Variants in MAGI2 observed in about 807,000 individuals in gnomAD.
The protein encoded by MAGI2 is membrane-associated guanylate kinase, WW and PDZ domain-containing protein 2.
In MAGI2, 35 loss-of-function variants were observed where a neutral mutation model predicts 133.3. The observed-to-expected ratio is 0.26, with a 90% CI of 0.20 to 0.35. The LOEUF (loss-of-function observed/expected upper bound fraction) is 0.35. Ranked by LOEUF, MAGI2 falls within the 10% of genes least tolerant of loss-of-function variation. MAGI2 has a pLI of 1.00. For synonymous variants in MAGI2, 729 were observed against 710.6 expected (o/e 1.03, Z -0.41); for missense variants, 1,636 against 1,863.4 (o/e 0.88, Z 2.25).
intron 3 of MAGI2, among the ~76,000 whole-genome samples, chr7:78,582,320 T>C (rs901972160): frequency 2.0e-5 from 3 of 152,104 alleles, no homozygotes; most frequent in African/African-American, 7.2e-5. Flanking sequence ...ACATCTGTGG[T>C]TGAAAAACAT....
rs369854137 is a variant in MAGI2, at chr7:78,052,376, C to T, written c.3706+26571G>A. Reference sequence around the variant, plus strand: ...CTCCTCTTTCTTGCTTCCTCTCTCACCACGTGACTGCTGCACAGTTTCTCT... The same window carrying T: ...CTCCTCTTTCTTGCTTCCTCTCTCATCACGTGACTGCTGCACAGTTTCTCT... On this transcript the variant is annotated intron_variant, in intron 21 of 21. Transcript: ENST00000354212. Among the ~76,000 whole-genome samples the T allele has an allele frequency of 1.2e-3, 187 of 152,302 alleles. 6 individuals carry two copies. The South Asian group carries it at 0.037, about 30-fold the overall frequency.
chr7:79,062,593 G>C (rs1178291330), intron 1 of MAGI2, among the ~76,000 whole-genome samples: 1 of 152,062 alleles, frequency 6.6e-6, no homozygotes, highest in Non-Finnish European at 1.5e-5. Context: ...TTTCTGCTCA[G>C]TTATTTGTAA....
At chr7:78,057,995 A>ATGTGTGTGTGTGTGTGTGTGTGTG (rs1232878816) in intron 21 of MAGI2, among the ~76,000 whole-genome samples, 4 of 30,380 alleles carry the variant, frequency 1.3e-4, no homozygotes, top group African/African-American at 1.8e-4. Context: ...ATATATATAT[A>ATGTGTGTGTGTGTGTGTGTGTGTG]TATATATATG....
chr7:78,454,172 G>A (rs941471410), intron 6 of MAGI2, among the ~76,000 whole-genome samples: 3 of 152,066 alleles, frequency 2.0e-5, no homozygotes, highest in South Asian at 4.1e-4. Flanking sequence ...TTACTCCATC[G>A]CATGAGTAGG....
chr7:79,003,570 T>C (rs1363018643), intron 2 of MAGI2, among the ~76,000 whole-genome samples: 1 of 152,184 alleles, frequency 6.6e-6, no homozygotes, highest in Non-Finnish European at 1.5e-5. Flanking sequence ...GAGAATTTCT[T>C]TGACCAAGGA....
intron 1 of MAGI2, among the ~76,000 whole-genome samples, chr7:79,040,668 T>A (rs1253545454): frequency 1.3e-5 from 2 of 152,230 alleles, no homozygotes; most frequent in South Asian, 2.1e-4. Flanking sequence ...CTCATGCTGT[T>A]CTCATGATAG....
At chr7:78,608,477 A>T (rs894799809) in intron 3 of MAGI2, among the ~76,000 whole-genome samples, 3 of 151,430 alleles carry the variant, frequency 2.0e-5, no homozygotes, top group Non-Finnish European at 4.4e-5. Flanking sequence ...GTATGTATAT[A>T]TATATATATA....
At chr7:79,347,145 A>G (rs73156068) in intron 1 of MAGI2, among the ~76,000 whole-genome samples, 22,720 of 151,898 alleles carry the variant, frequency 0.15, 1,801 homozygotes, top group South Asian at 0.26. Context: ...ACAATGTTTT[A>G]TTTTACAAGG....
intron 6 of MAGI2, chr7:78,486,262 C>T (rs1472556425): frequency 6.6e-6 from 1 of 151,912 alleles, no homozygotes; most frequent in Admixed American, 6.6e-5. Context: ...AGCTAAATCT[C>T]CTGAAAACCA....
chr7:78,741,421 AC>A lies in MAGI2; in HGVS notation c.419-114183del, dbSNP rs1563439108. On this transcript the variant is annotated intron_variant, in intron 2 of 21. Coordinates refer to ENST00000354212, the MANE Select transcript of MAGI2 (RefSeq NM_012301.4). ...CACACACACACACACACACACACAC[AC>A]ACACACGGGAGGGGGGTTAGATCAT... 1.1e-3 allele frequency among the ~76,000 whole-genome samples: 114 copies of A among 107,580 alleles called. 1 individual carries two copies. The highest frequency in any genetic ancestry group is 1.8e-3 in the African/African-American group (44 of 24,672). 70.6% of individuals were successfully genotyped at this position (107,580 alleles called of 152,430 possible).
intron 1 of MAGI2, among the ~76,000 whole-genome samples, chr7:79,367,168 G>C (rs570061174): frequency 6.6e-6 from 1 of 152,148 alleles, no homozygotes; most frequent in African/African-American, 2.4e-5. Flanking sequence ...CCCATCCGTC[G>C]CAAGAATTTA....
At chr7:78,055,248 A>G (rs1442223322) in intron 21 of MAGI2, among the ~76,000 whole-genome samples, 2 of 152,238 alleles carry the variant, frequency 1.3e-5, no homozygotes, top group Non-Finnish European at 2.9e-5. Context: ...GGTCACAGAA[A>G]GGCAAAAAGA....
chr7:79,060,342 A>T (rs912945073), intron 1 of MAGI2, among the ~76,000 whole-genome samples: 3 of 152,062 alleles, frequency 2.0e-5, no homozygotes, highest in Non-Finnish European at 2.9e-5. Context: ...TATCTTTTTC[A>T]TGCACATATT....
At chr7:78,087,222 A>G (rs2151206493) in intron 20 of MAGI2, among the ~76,000 whole-genome samples, 1 of 152,332 alleles carries the variant, frequency 6.6e-6, no homozygotes, top group Admixed American at 6.5e-5. Flanking sequence ...AAATAACCAC[A>G]TATATCTGTT....
chr7:78,889,465 G>T (rs1165248710), intron 2 of MAGI2, among the ~76,000 whole-genome samples: 1 of 152,162 alleles, frequency 6.6e-6, no homozygotes, highest in Non-Finnish European at 1.5e-5. Flanking sequence ...ATAATGTTAA[G>T]GGCAGCCAGA....
chr7:78,706,466 A>C (rs915868122), intron 2 of MAGI2, among the ~76,000 whole-genome samples: 1 of 152,134 alleles, frequency 6.6e-6, no homozygotes, highest in African/African-American at 2.4e-5. Flanking sequence ...CAGCAGTGTG[A>C]AAACAGACTA....
chr7:78,689,672 T>C (rs1289690134), intron 2 of MAGI2, among the ~76,000 whole-genome samples: 1 of 146,476 alleles, frequency 6.8e-6, no homozygotes, highest in Non-Finnish European at 1.5e-5. Flanking sequence ...GTGTATCTTT[T>C]TGGATCTGGC....
At chr7:78,620,088 A>G (rs1807570063) in intron 3 of MAGI2, among the ~76,000 whole-genome samples, 1 of 151,926 alleles carries the variant, frequency 6.6e-6, no homozygotes, top group African/African-American at 2.4e-5. Flanking sequence ...ATAGTGTGCA[A>G]AGGGGAAAAA....
chr7:79,352,895 G>A (rs1345470146), intron 1 of MAGI2, among the ~76,000 whole-genome samples: 4 of 151,868 alleles, frequency 2.6e-5, no homozygotes, highest in Admixed American at 6.6e-5. Context: ...GTATAATAAT[G>A]CCAACTAAGT....
Sources: gnomAD v4.1 joint callset for allele counts (sites outside exome capture counted in the v4.1 genomes callset) on GRCh38, gnomAD v4.1.1 for gene constraint, MANE v1.5 for transcripts, NCBI Gene and HGNC (gene_info 2026-07-23, HGNC 2026-07-21) for gene names.